Variants in EPHA7 observed in about 807,000 individuals in gnomAD.
EPHA7 encodes ephrin type-A receptor 7.
In EPHA7, 25 loss-of-function variants were observed where a neutral mutation model predicts 112.6. The observed-to-expected ratio is 0.22, with a 90% CI of 0.16 to 0.31. The LOEUF (loss-of-function observed/expected upper bound fraction) is 0.31, where lower values mean the gene tolerates loss of function less well. Among genes scored for constraint, EPHA7 ranks in the 10% least tolerant of loss-of-function variants. The pLI is 1.00. For missense variants in EPHA7, 962 were observed against 1,212.6 expected, an observed-to-expected ratio of 0.79 and a Z score of 3.07; for synonymous variants, 437 against 406.5, an observed-to-expected ratio of 1.07 and a Z score of -0.90.
At chr6:93,358,628 C>A (rs1425709471) in intron 3 of EPHA7, among the ~76,000 whole-genome samples, 2 of 152,158 alleles carry the variant, frequency 1.3e-5, no homozygotes, top group Non-Finnish European at 2.9e-5. Context: ...AGCAAACTTG[C>A]ACCTGCAGTT....
intron 14 of EPHA7, among the ~76,000 whole-genome samples, chr6:93,249,671 T>C (rs1173706295): frequency 6.6e-6 from 1 of 152,258 alleles, no homozygotes; most frequent in East Asian, 1.9e-4. Flanking sequence ...TCCTAACCTA[T>C]TTCCCTGCTT....
At chr6:93,332,151 G>A (rs1421878270) in intron 5 of EPHA7, among the ~76,000 whole-genome samples, 2 of 151,750 alleles carry the variant, frequency 1.3e-5, no homozygotes, top group East Asian at 3.9e-4. Context: ...TGTATTTACA[G>A]TGAAGCTCAA....
chr6:93,354,106 G>A (rs1362848754), intron 5 of EPHA7, among the ~76,000 whole-genome samples: 3 of 152,088 alleles, frequency 2.0e-5, no homozygotes, highest in Non-Finnish European at 4.4e-5. Context: ...ATTCATTGTT[G>A]AAGTGATTTC....
chr6:93,391,898 A>G lies in EPHA7; in HGVS notation c.832+18603T>C, dbSNP rs190743996. On this transcript the variant is annotated intron_variant, in intron 3 of 16. Transcript: ENST00000369303. ...TATGAGATTAAAAAAAAAACTAAAA[A>G]TATAAACTCTGAGTTGTAGTTGGTT... is the stretch of plus-strand genomic sequence containing the variant. Among the ~76,000 whole-genome samples the G allele has an allele frequency of 4.9e-3, 745 of 152,032 alleles. 3 individuals are homozygous for G. Among genetic ancestry groups the G allele is most frequent in the African/African-American group, 0.016 (684 of 41,540 alleles).
At chr6:93,310,772 C>G (rs1326001328) in intron 5 of EPHA7, among the ~76,000 whole-genome samples, 1 of 152,202 alleles carries the variant, frequency 6.6e-6, no homozygotes, top group East Asian at 1.9e-4. Flanking sequence ...CTAAAAACTG[C>G]TAATCCTCTG....
chr6:93,395,311 C>T (rs1778112020), intron 3 of EPHA7, among the ~76,000 whole-genome samples: 1 of 151,652 alleles, frequency 6.6e-6, no homozygotes, highest in African/African-American at 2.4e-5. Flanking sequence ...TGAGTGTGAA[C>T]TAGTAATTCA....
Position 93,419,307 on chromosome 6 carries a change from A to G in EPHA7, c.35T>C (p.Ile12Thr), listed in dbSNP as rs140401119. ...GCGGAGCAGCCAGATGTAGCATAAA[A>G]TAATCCATGAAGGGTACCGAGTTTG... The part of the protein sequence containing the change: ...VFQTRYPSWI[I>T]LCYIWLLRFA... Residue 12 changes from isoleucine to threonine, a missense_variant, in exon 1 of 17, where the codon ATT (isoleucine) becomes ACT (threonine). Around this residue, in one of 3 missense-constraint regions of EPHA7, gnomAD observed 56 missense variants for 59.9 expected, o/e 0.94. Transcript: ENST00000369303. The G allele has an allele frequency of 2.5e-6, 4 of 1,614,068 alleles. No individual in the cohort carries two copies. In the African/African-American group the frequency reaches 5.3e-5, roughly 22 times the overall value.
chr6:93,278,590 C>G (rs1206320822), intron 5 of EPHA7, among the ~76,000 whole-genome samples: 6 of 152,030 alleles, frequency 3.9e-5, no homozygotes, highest in Non-Finnish European at 4.4e-5. Context: ...TTGGCATTTA[C>G]TATATGCAAG....
chr6:93,348,821 C>T (rs530726522), intron 5 of EPHA7, among the ~76,000 whole-genome samples: 20 of 151,922 alleles, frequency 1.3e-4, no homozygotes, highest in African/African-American at 4.6e-4. Flanking sequence ...CAAATATTTA[C>T]TAACCATCTA....
In EPHA7 at chr6:93,257,342, A is replaced by G. The variant is rs371747286; in HGVS notation, c.2172+120T>C. The G allele has an allele frequency of 2.8e-3, 1,760 of 638,604 alleles. 5 individuals are homozygous for G. The highest frequency in any genetic ancestry group is 4.1e-3 in the Non-Finnish European group (1,574 of 384,856). 39.6% of individuals were successfully genotyped at this position (638,604 alleles called of 1,614,324 possible). A position where few individuals can be genotyped will look rare whatever the true frequency, so the allele number is the denominator to read the frequency against. ...GATTATTAATCTGATTTTCAAAGAC[A>G]ATCTTCTAACCTCTTACTATTTTAC... is the stretch of plus-strand genomic sequence containing the variant. On this transcript the variant is annotated intron_variant, in intron 12 of 16. Transcript: ENST00000369303.
At chr6:93,356,676 G>T in intron 5 of EPHA7, 41 bp downstream of exon 5, 1 of 1,522,826 alleles carries the variant, frequency 6.6e-7, no homozygotes, top group Non-Finnish European at 9.0e-7. Context: ...CACTTAGGTA[G>T]TCACATTATT....
At chr6:93,293,170 C>CATAT (rs3078555) in intron 5 of EPHA7, among the ~76,000 whole-genome samples, 8 of 149,252 alleles carry the variant, frequency 5.4e-5, no homozygotes, top group African/African-American at 2.0e-4. Context: ...TATGTAAACC[C>CATAT]ATATATATAT....
chr6:93,393,708 A>C (rs1778020766), intron 3 of EPHA7, among the ~76,000 whole-genome samples: 1 of 151,840 alleles, frequency 6.6e-6, no homozygotes, highest in Non-Finnish European at 1.5e-5. Flanking sequence ...CTAATCTAAT[A>C]TGACTTCTGC....
intron 3 of EPHA7, among the ~76,000 whole-genome samples, chr6:93,376,058 AATAATC>A (rs1226467964): frequency 2.0e-5 from 3 of 152,166 alleles, no homozygotes; most frequent in Non-Finnish European, 4.4e-5. Flanking sequence ...TGAGTCTGAA[AATAATC>A]AAGAGAGGAA....
intron 3 of EPHA7, among the ~76,000 whole-genome samples, chr6:93,396,264 C>T (rs914114411): frequency 6.6e-6 from 1 of 151,706 alleles, no homozygotes; most frequent in Non-Finnish European, 1.5e-5. Context: ...TTATACAGAA[C>T]TATTCAGTAG....
At chr6:93,257,813 A>G (rs143895174) in intron 11 of EPHA7, among the ~76,000 whole-genome samples, 3 of 152,168 alleles carry the variant, frequency 2.0e-5, no homozygotes, top group Non-Finnish European at 2.9e-5. Flanking sequence ...TGTAAAGACT[A>G]TATTGCATAA....
intron 5 of EPHA7, among the ~76,000 whole-genome samples, chr6:93,345,944 T>C (rs13203589): frequency 2.0e-5 from 3 of 151,568 alleles, no homozygotes; most frequent in African/African-American, 7.3e-5. Flanking sequence ...GATAAAATAA[T>C]CAACATTTAC....
intron 3 of EPHA7, among the ~76,000 whole-genome samples, chr6:93,359,924 T>C (rs1172760406): frequency 4.3e-5 from 6 of 140,516 alleles, no homozygotes; most frequent in South Asian, 2.3e-4. Context: ...TAGATAGAGA[T>C]AGACAGATAG....
intron 3 of EPHA7, among the ~76,000 whole-genome samples, chr6:93,394,561 A>C (rs984655816): frequency 1.3e-5 from 2 of 151,798 alleles, no homozygotes; most frequent in Non-Finnish European, 2.9e-5. Flanking sequence ...GATTTTAGAT[A>C]CTTGTCAAAA....
Sources: allele counts gnomAD v4.1 joint callset (sites outside exome capture counted in the v4.1 genomes callset), GRCh38; gene constraint gnomAD v4.1.1; regional missense constraint gnomAD v4.1.1; transcripts MANE v1.5; gene names NCBI Gene and HGNC (gene_info 2026-07-23, HGNC 2026-07-21).